The following DGKI variants were observed in gnomAD, a reference collection of about 807,000 sequenced individuals.
The protein encoded by DGKI is diacylglycerol kinase iota.
Under a neutral mutation model 147.5 loss-of-function variants are expected in DGKI, and 55 were observed. The observed-to-expected ratio is 0.37, with a 90% confidence interval of 0.30 to 0.47. DGKI has a LOEUF of 0.47. Among genes scored for constraint, DGKI ranks in the 20% least tolerant of loss-of-function variants. DGKI has a pLI of 1.00. For synonymous variants in DGKI, 469 were observed against 477.1 expected (o/e 0.98, Z 0.22); for missense variants, 1,007 against 1,323.8 (o/e 0.76, Z 3.71).
intron 30 of DGKI, 130 bp downstream of exon 30, chr7:137,407,745 A>G: frequency 8.5e-7 from 1 of 1,183,110 alleles, no homozygotes; most frequent in South Asian, 1.4e-5. Flanking sequence ...GCAGGGGCAG[A>G]GTCTGCTAAA....
At chr7:137,426,484 G>T (rs1812812082) in intron 28 of DGKI, among the ~76,000 whole-genome samples, 1 of 152,144 alleles carries the variant, frequency 6.6e-6, no homozygotes, top group African/African-American at 2.4e-5. Flanking sequence ...GGAAGAAACT[G>T]CATCAACTAA....
At chr7:137,408,561 C>T (rs1217694875) in intron 29 of DGKI, among the ~76,000 whole-genome samples, 2 of 152,202 alleles carry the variant, frequency 1.3e-5, no homozygotes, top group Non-Finnish European at 2.9e-5. Context: ...CACGAACACA[C>T]ATCTGGCTTC....
chr7:137,555,766 C>A (rs375151216), intron 19 of DGKI, among the ~76,000 whole-genome samples: 2 of 152,176 alleles, frequency 1.3e-5, no homozygotes, highest in South Asian at 4.1e-4. Flanking sequence ...TGCCCCACTA[C>A]CCCCTCCCCA....
chr7:137,642,857 GAAAA>G (rs775755516), intron 6 of DGKI, among the ~76,000 whole-genome samples: 1 of 130,550 alleles, frequency 7.7e-6, no homozygotes, highest in Non-Finnish European at 1.6e-5. Flanking sequence ...CCATCAGTTG[GAAAA>G]AAAAAAAAAA....
chr7:137,585,179 T>C (rs1169832312), intron 14 of DGKI, 30 bp downstream of exon 14: 2 of 1,613,216 alleles, frequency 1.2e-6, no homozygotes, highest in South Asian at 2.2e-5. Context: ...GCTCCAGGGC[T>C]CCTTTCTGCA....
At chr7:137,658,800 T>C (rs1037224275) in intron 3 of DGKI, among the ~76,000 whole-genome samples, 12 of 152,222 alleles carry the variant, frequency 7.9e-5, no homozygotes, top group Non-Finnish European at 1.0e-4. Flanking sequence ...GCTAGAAGAA[T>C]TTGAGAACTG....
intron 28 of DGKI, among the ~76,000 whole-genome samples, chr7:137,424,790 C>T (rs1812721864): frequency 6.6e-6 from 1 of 152,212 alleles, no homozygotes; most frequent in Non-Finnish European, 1.5e-5. Context: ...TGATTGCTAG[C>T]ACAGCAGTCT....
intron 3 of DGKI, among the ~76,000 whole-genome samples, chr7:137,676,776 G>A (rs1823052247): frequency 6.6e-6 from 1 of 152,148 alleles, no homozygotes; most frequent in African/African-American, 2.4e-5. Context: ...TAGTGAACAA[G>A]TAATAATCAT....
chr7:137,586,806 G>T (rs974090163), intron 13 of DGKI, among the ~76,000 whole-genome samples: 7 of 152,164 alleles, frequency 4.6e-5, no homozygotes, highest in Non-Finnish European at 8.8e-5. Context: ...ACGCAGACTT[G>T]AGGCCAAACT....
intron 1 of DGKI, among the ~76,000 whole-genome samples, chr7:137,766,128 C>T (rs1406219105): frequency 3.3e-5 from 5 of 152,114 alleles, no homozygotes; most frequent in South Asian, 2.1e-4. Flanking sequence ...TCAGGACTTA[C>T]GATCCTAAGA....
At chr7:137,522,857 A>C (rs187248385) in intron 20 of DGKI, among the ~76,000 whole-genome samples, 118 of 152,174 alleles carry the variant, frequency 7.8e-4, no homozygotes, top group Admixed American at 1.2e-3. Flanking sequence ...CAAAATACCT[A>C]CTTGTCTTTC....
rs770468901 is a variant in DGKI at position 137,623,549 on chromosome 7, G to C, written c.810C>G (p.Phe270Leu). The part of the protein sequence containing the change: ...EGKCKQCGKG[F>L]QQKFSFHSKE... ...TACTGTGGAAGGAGAACTTTTGCTGGAAGCCCTGGGATATTAGAACAAGAG... is the reference window on the plus strand; with the variant it reads ...TACTGTGGAAGGAGAACTTTTGCTGCAAGCCCTGGGATATTAGAACAAGAG... The change falls in exon 7 of 33, where the codon TTC becomes TTG. Residue 270 changes from phenylalanine to leucine, a missense_variant. By Grantham distance (22) the Phe-to-Leu change is conservative. Around this residue, in one of 5 missense-constraint regions of DGKI, gnomAD observed 259 missense variants for 362.5 expected, o/e 0.71. Coordinates refer to ENST00000614521, the MANE Select transcript of DGKI (RefSeq NM_001321708.2). 1 of 1,613,832 alleles carries C rather than the reference G, an allele frequency of 6.2e-7. No individual in the cohort carries two copies. Among genetic ancestry groups the C allele is most frequent in the Admixed American group, 1.7e-5 (1 of 60,016 alleles).
At chr7:137,827,991 G>A (rs755163812) in intron 1 of DGKI, among the ~76,000 whole-genome samples, 1 of 152,100 alleles carries the variant, frequency 6.6e-6, no homozygotes, top group African/African-American at 2.4e-5. Context: ...ACTTGCTGCA[G>A]ATCCTCCACT....
intron 1 of DGKI, among the ~76,000 whole-genome samples, chr7:137,795,359 A>T (rs571003772): frequency 6.6e-6 from 1 of 152,316 alleles, no homozygotes; most frequent in East Asian, 1.9e-4. Context: ...CAAAAGGCCC[A>T]TCCTCAGAGA....
At chr7:137,691,799 T>TTTTTTTTTTTTG (rs1823615155) in intron 1 of DGKI, among the ~76,000 whole-genome samples, 4 of 84,568 alleles carry the variant, frequency 4.7e-5, no homozygotes, top group South Asian at 3.7e-4. Flanking sequence ...GACCTTTGGG[T>TTTTTTTTTTTTG]TTTTTTTTTT....
chr7:137,651,075 G>A (rs2129010570), intron 5 of DGKI, among the ~76,000 whole-genome samples: 1 of 152,308 alleles, frequency 6.6e-6, no homozygotes, highest in African/African-American at 2.4e-5. Flanking sequence ...GGAAACCACT[G>A]GAGAGTTTTA....
intron 21 of DGKI, among the ~76,000 whole-genome samples, chr7:137,503,135 T>G (rs772654728): frequency 2.0e-5 from 3 of 152,156 alleles, no homozygotes; most frequent in Non-Finnish European, 2.9e-5. Context: ...CAGGTGAACT[T>G]ATAGACCATG....
intron 21 of DGKI, among the ~76,000 whole-genome samples, chr7:137,513,608 G>A (rs1432327748): frequency 6.6e-6 from 1 of 152,116 alleles, no homozygotes; most frequent in East Asian, 1.9e-4. Context: ...TTCATTGTGT[G>A]AACATCATAG....
chr7:137,652,161 T>C lies in DGKI; in HGVS notation c.738+2571A>G, dbSNP rs553606132. On this transcript the variant is annotated intron_variant, in intron 5 of 32. Transcript: ENST00000614521. ...GATAGAAATTATTAGAGTGTGTTTA[T>C]GCTGATAGAAATTATCTAGAAATGA... 6.6e-5 allele frequency among the ~76,000 whole-genome samples: 10 copies of C among 152,248 alleles called. No individual in the cohort carries two copies. The East Asian group carries it at 1.7e-3, about 26-fold the overall frequency.
Sources: allele counts gnomAD v4.1 joint callset (sites outside exome capture counted in the v4.1 genomes callset), GRCh38; gene constraint gnomAD v4.1.1; regional missense constraint gnomAD v4.1.1; transcripts MANE v1.5; gene names NCBI Gene and HGNC (gene_info 2026-07-23, HGNC 2026-07-21).